Variants in PCA3 observed in about 807,000 individuals in gnomAD.
The protein encoded by PCA3 is prostate cancer associated 3.
intron 2 of PCA3, among the ~76,000 whole-genome samples, chr9:76,772,641 G>C (rs969866317): frequency 2.0e-5 from 3 of 152,102 alleles, no homozygotes; most frequent in African/African-American, 7.2e-5. Context: ...ACAGTTCACT[G>C]TAGCCTTGGC....
chr9:76,778,235 C>T (rs1464908965), intron 2 of PCA3, among the ~76,000 whole-genome samples: 3 of 152,170 alleles, frequency 2.0e-5, no homozygotes, highest in Admixed American at 6.5e-5. Flanking sequence ...AAGAGCCAGG[C>T]GTTGATCTCA....
chr9:76,776,499 CT>C (rs58566943), intron 2 of PCA3, among the ~76,000 whole-genome samples: 26,222 of 136,306 alleles, frequency 0.19, 2,564 homozygotes, highest in East Asian at 0.4. Context: ...ACCACATTTT[CT>C]TTTTTTTTTT....
chr9:76,780,080 T>C lies in PCA3; in HGVS notation n.853-28503T>C, dbSNP rs150022010. Among the ~76,000 whole-genome samples, 585 of 152,334 alleles carry C rather than the reference T, an allele frequency of 3.8e-3. 6 individuals are homozygous for C. The highest frequency in any genetic ancestry group is 0.012 in the African/African-American group (509 of 41,574). ...TATTTTCTTAAGGATTTGTCTTTGT[T>C]GCCTTTTAATTGAACAAATGCATAA... On this transcript the variant is annotated intron_variant and non_coding_transcript_variant, in intron 2 of 5. Coordinates refer to ENST00000644657, the Ensembl canonical transcript of PCA3.
At chr9:76,776,887 A>AACAC (rs1224020427) in intron 2 of PCA3, among the ~76,000 whole-genome samples, 7 of 96,472 alleles carry the variant, frequency 7.3e-5, no homozygotes, top group Non-Finnish European at 1.1e-4. Context: ...TCATTACCAA[A>AACAC]ACACATACAC....
At chr9:76,780,126 G>A (rs1056019159) in intron 2 of PCA3, among the ~76,000 whole-genome samples, 2 of 152,092 alleles carry the variant, frequency 1.3e-5, no homozygotes, top group African/African-American at 2.4e-5. Context: ...CTAAAGTAGT[G>A]CAACTAAACT....
intron 2 of PCA3, among the ~76,000 whole-genome samples, chr9:76,774,450 C>CTTTTTTTATTTATTTATTTTTTTTTT (rs1564272256): frequency 1.9e-4 from 8 of 41,394 alleles, no homozygotes; most frequent in Non-Finnish European, 1.9e-4. Flanking sequence ...CAGTTCAACC[C>CTTTTTTTATTTATTTATTTTTTTTTT]TTTTTTTTTT....
Position 76,776,939 on chromosome 9 carries a change from C to CAG in PCA3, n.853-31643_853-31642insGA, listed in dbSNP as rs1432538253. On this transcript the variant is annotated intron_variant and non_coding_transcript_variant, in intron 2 of 5. Coordinates refer to ENST00000644657, the Ensembl canonical transcript of PCA3. ...ACACACACACACACACACACACACA[C>CAG]ACACACAAAGGGCCTGGACCTTTCT... Among the ~76,000 whole-genome samples the CAG allele has an allele frequency of 5.5e-3, 706 of 128,200 alleles. 16 individuals carry two copies. Among genetic ancestry groups the CAG allele is most frequent in the Non-Finnish European group, 6.3e-3 (381 of 60,400 alleles). 84.1% of individuals were successfully genotyped at this position (128,200 alleles called of 152,430 possible).
intron 2 of PCA3, among the ~76,000 whole-genome samples, chr9:76,769,411 G>T (rs1270895186): frequency 6.6e-6 from 1 of 152,144 alleles, no homozygotes; most frequent in Non-Finnish European, 1.5e-5. Flanking sequence ...CATTAAGGTT[G>T]CTTTCCATTT....
intron 2 of PCA3, chr9:76,786,966 C>T (rs1287279509): frequency 1.3e-5 from 2 of 152,140 alleles, no homozygotes; most frequent in Non-Finnish European, 2.9e-5. Context: ...TGGAGGGGAC[C>T]ACTCCTGGGC....
At chr9:76,785,447 T>C (rs923110604) in intron 2 of PCA3, 3 of 152,230 alleles carry the variant, frequency 2.0e-5, no homozygotes, top group Non-Finnish European at 2.9e-5. Context: ...GGGAACCTCA[T>C]AGTATCTTAT....
At chr9:76,779,707 T>C (rs944123506) in intron 2 of PCA3, 1 of 152,218 alleles carries the variant, frequency 6.6e-6, no homozygotes, top group Admixed American at 6.5e-5. Context: ...GTCCTGACTG[T>C]GGGCTCAGAT....
intron 2 of PCA3, among the ~76,000 whole-genome samples, chr9:76,772,121 C>A (rs1383797481): frequency 2.0e-5 from 3 of 152,150 alleles, no homozygotes; most frequent in Admixed American, 6.5e-5. Flanking sequence ...GCCACCCTTC[C>A]GCCCTTGTAA....
At chr9:76,765,717 G>C (rs2052287526) in intron 2 of PCA3, among the ~76,000 whole-genome samples, 3 of 152,186 alleles carry the variant, frequency 2.0e-5, no homozygotes, top group African/African-American at 7.2e-5. Context: ...ATTTGGATTA[G>C]GAGTTAAGAG....
intron 2 of PCA3, among the ~76,000 whole-genome samples, chr9:76,766,996 G>A (rs1364014343): frequency 2.0e-5 from 3 of 152,140 alleles, no homozygotes; most frequent in African/African-American, 4.8e-5. Context: ...CCCCCAAGGC[G>A]AAGGTAGGCT....
intron 2 of PCA3, among the ~76,000 whole-genome samples, chr9:76,766,652 C>A (rs1191187105): frequency 2.0e-5 from 3 of 152,148 alleles, no homozygotes; most frequent in African/African-American, 7.2e-5. Flanking sequence ...CCACTTCCCC[C>A]CAATCACAGA....
intron 2 of PCA3, among the ~76,000 whole-genome samples, chr9:76,771,944 C>A (rs565260833): frequency 6.6e-6 from 1 of 152,162 alleles, no homozygotes; most frequent in Non-Finnish European, 1.5e-5. Flanking sequence ...ACACTAATGG[C>A]GTGGGACTCA....
intron 2 of PCA3, among the ~76,000 whole-genome samples, chr9:76,770,247 T>C (rs988527088): frequency 2.0e-5 from 3 of 152,142 alleles, no homozygotes; most frequent in African/African-American, 7.2e-5. Context: ...TTAATTAGAG[T>C]GTGTTTATTT....
intron 2 of PCA3, among the ~76,000 whole-genome samples, chr9:76,766,136 T>C (rs988339639): frequency 7.3e-5 from 11 of 151,386 alleles, no homozygotes; most frequent in South Asian, 2.1e-4. Context: ...TGAGCCAAGA[T>C]TGCGCCACTG....
intron 2 of PCA3, among the ~76,000 whole-genome samples, chr9:76,769,380 A>C (rs757508819): frequency 3.2e-4 from 48 of 152,220 alleles, no homozygotes; most frequent in Non-Finnish European, 5.7e-4. Flanking sequence ...TAATTGATTC[A>C]ATCCTTCCTC....
Sources: allele counts gnomAD v4.1 joint callset (sites outside exome capture counted in the v4.1 genomes callset), GRCh38; gene constraint gnomAD v4.1.1; transcripts MANE v1.5; gene names NCBI Gene and HGNC (gene_info 2026-07-23, HGNC 2026-07-21).